Variants in RMST observed in about 807,000 individuals in gnomAD.
RMST encodes rhabdomyosarcoma 2 associated transcript.
intron 10 of RMST, among the ~76,000 whole-genome samples, chr12:97,506,112 G>A (rs1195961423): frequency 2.0e-5 from 3 of 152,014 alleles, no homozygotes; most frequent in Non-Finnish European, 2.9e-5. Flanking sequence ...TATAAACCAG[G>A]TAGGTAGATT....
chr12:97,497,050 T>C (rs115428864), intron 10 of RMST, among the ~76,000 whole-genome samples: 166 of 152,302 alleles, frequency 1.1e-3, no homozygotes, highest in African/African-American at 3.9e-3. Context: ...CAAAGCCTCT[T>C]CTTTCCCTGG....
chr12:97,505,612 A>G (rs575038721), intron 10 of RMST, among the ~76,000 whole-genome samples: 1 of 152,356 alleles, frequency 6.6e-6, no homozygotes, highest in African/African-American at 2.4e-5. Context: ...CCATTAACTT[A>G]CAAAACGCAC....
chr12:97,467,104 T>A (rs1873281021), intron 5 of RMST, among the ~76,000 whole-genome samples: 1 of 152,044 alleles, frequency 6.6e-6, no homozygotes, highest in Admixed American at 6.6e-5. Context: ...TTGCCAGATG[T>A]CATATATATT....
chr12:97,476,006 C>A (rs946995921), intron 5 of RMST, among the ~76,000 whole-genome samples: 1 of 152,090 alleles, frequency 6.6e-6, no homozygotes, highest in Non-Finnish European at 1.5e-5. Context: ...GCTATGAGAG[C>A]TGCTTTATGC....
intron 10 of RMST, among the ~76,000 whole-genome samples, chr12:97,512,663 C>G (rs1317992156): frequency 6.6e-6 from 1 of 152,200 alleles, no homozygotes; most frequent in Non-Finnish European, 1.5e-5. Flanking sequence ...TTTACAATCC[C>G]TTAGCTAGAC....
At chr12:97,486,503 G>C (rs1363819477) in intron 5 of RMST, among the ~76,000 whole-genome samples, 2 of 152,282 alleles carry the variant, frequency 1.3e-5, no homozygotes, top group African/African-American at 4.8e-5. Flanking sequence ...GGAAACATTA[G>C]AGCAGGTTTC....
At chr12:97,479,311 CTTTTA>C (rs936009361) in intron 5 of RMST, among the ~76,000 whole-genome samples, 3 of 151,744 alleles carry the variant, frequency 2.0e-5, no homozygotes, top group Admixed American at 1.3e-4. Context: ...CTGCCTAATT[CTTTTA>C]TTTTATTAAT....
At chr12:97,544,302 T>C (rs1882773572) in intron 11 of RMST, among the ~76,000 whole-genome samples, 1 of 152,102 alleles carries the variant, frequency 6.6e-6, no homozygotes, top group Non-Finnish European at 1.5e-5. Flanking sequence ...AGACATATTA[T>C]ATAACTTTTA....
intron 11 of RMST, among the ~76,000 whole-genome samples, chr12:97,539,256 T>C (rs1882320271): frequency 6.6e-6 from 1 of 151,688 alleles, no homozygotes; most frequent in East Asian, 1.9e-4. Context: ...ATTCCTTAAT[T>C]CTTGGAGATG....
intron 11 of RMST, among the ~76,000 whole-genome samples, chr12:97,553,949 CTTTTTTTTTTTT>C (rs756008010): frequency 1.7e-5 from 2 of 120,284 alleles, no homozygotes; most frequent in Non-Finnish European, 3.4e-5. Context: ...TTTTCTTTCT[CTTTTTTTTTTTT>C]TTTTTTTTTC....
chr12:97,508,129 T>C (rs1381815219), intron 10 of RMST, among the ~76,000 whole-genome samples: 2 of 152,134 alleles, frequency 1.3e-5, no homozygotes, highest in Non-Finnish European at 1.5e-5. Context: ...AGTTATAGTA[T>C]AATGGATGAA....
chr12:97,554,246 G>A (rs547908968), intron 11 of RMST, among the ~76,000 whole-genome samples: 8 of 151,992 alleles, frequency 5.3e-5, no homozygotes, highest in Admixed American at 3.9e-4. Context: ...GAGCTACCGC[G>A]CCCAGCCAAT....
chr12:97,497,008 G>A (rs189912475), intron 10 of RMST, among the ~76,000 whole-genome samples: 14 of 152,100 alleles, frequency 9.2e-5, no homozygotes. Context: ...CTCAGCTAGT[G>A]CCCACATACT....
chr12:97,484,558 C>T (rs749729428), intron 5 of RMST, among the ~76,000 whole-genome samples: 4 of 152,078 alleles, frequency 2.6e-5, no homozygotes, highest in African/African-American at 7.2e-5. Context: ...GCAAGATCTT[C>T]CCATCTATTT....
intron 5 of RMST, among the ~76,000 whole-genome samples, chr12:97,478,812 C>T (rs552315048): frequency 1.3e-5 from 2 of 152,262 alleles, no homozygotes; most frequent in South Asian, 4.1e-4. Flanking sequence ...AACAAGAAAA[C>T]AATACATCTG....
intron 5 of RMST, among the ~76,000 whole-genome samples, chr12:97,473,176 A>G (rs1343757432): frequency 6.6e-6 from 1 of 152,138 alleles, no homozygotes; most frequent in Non-Finnish European, 1.5e-5. Context: ...TTGTGAGAAT[A>G]ATGAGAATAT....
At chr12:97,505,162 C>G (rs1364319492) in intron 10 of RMST, among the ~76,000 whole-genome samples, 1 of 152,100 alleles carries the variant, frequency 6.6e-6, no homozygotes, top group East Asian at 1.9e-4. Flanking sequence ...GTGTCTAAAG[C>G]AAAATCAATA....
At chr12:97,467,608 T>C (rs1355200496) in intron 5 of RMST, among the ~76,000 whole-genome samples, 1 of 152,038 alleles carries the variant, frequency 6.6e-6, no homozygotes, top group Admixed American at 6.6e-5. Flanking sequence ...TTACTACATT[T>C]CTCCAAGTTT....
At chr12:97,546,100 C>A (rs1045133799) in intron 11 of RMST, among the ~76,000 whole-genome samples, 1 of 152,042 alleles carries the variant, frequency 6.6e-6, no homozygotes, top group African/African-American at 2.4e-5. Context: ...TCATTATTAC[C>A]ATCAACTATT....
Sources: allele counts gnomAD v4.1 joint callset (sites outside exome capture counted in the v4.1 genomes callset), GRCh38; gene constraint gnomAD v4.1.1; transcripts MANE v1.5; gene names NCBI Gene and HGNC (gene_info 2026-07-23, HGNC 2026-07-21).